Variants in CCDC91 observed in about 807,000 individuals in gnomAD.
CCDC91 encodes the protein coiled-coil domain containing 91.
Under a neutral mutation model 63.2 loss-of-function variants are expected in CCDC91, and 48 were observed. That is an observed-to-expected ratio of 0.76 (90% CI 0.60 to 0.97). The LOEUF (loss-of-function observed/expected upper bound fraction) is 0.97. CCDC91 is among the 50% of genes least tolerant of loss of function. The pLI is 0.00. For missense variants in CCDC91, 500 were observed against 494.6 expected, an observed-to-expected ratio of 1.01 and a Z score of -0.10; for synonymous variants, 167 against 165.8, an observed-to-expected ratio of 1.01 and a Z score of -0.06.
intron 12 of CCDC91, among the ~76,000 whole-genome samples, chr12:28,492,227 T>A (rs1486277579): frequency 2.0e-5 from 3 of 151,746 alleles, no homozygotes; most frequent in African/African-American, 7.2e-5. Context: ...TTTTTTTTCA[T>A]TCTATAAAGA....
intron 1 of CCDC91, among the ~76,000 whole-genome samples, chr12:28,216,777 G>A (rs3847681): frequency 0.99 from 150,805 of 152,158 alleles, 74,744 homozygotes; most frequent in Middle Eastern, 1. Flanking sequence ...AGAGAAAATC[G>A]TTGTGAGGGA....
intron 8 of CCDC91, among the ~76,000 whole-genome samples, chr12:28,405,439 G>GA (rs1946877251): frequency 6.6e-6 from 1 of 152,112 alleles, no homozygotes; most frequent in Non-Finnish European, 1.5e-5. Context: ...TTAAGAAAAA[G>GA]AAAAAGTTTT....
At chr12:28,418,591 A>G (rs2139860761) in intron 8 of CCDC91, among the ~76,000 whole-genome samples, 1 of 152,236 alleles carries the variant, frequency 6.6e-6, no homozygotes, top group East Asian at 1.9e-4. Flanking sequence ...CTTTAGAAAA[A>G]GCTGAATAGT....
rs116124767 is a variant in CCDC91 at position 28,192,278 on chromosome 12, T to A, written c.-15+1637T>A. ...GTGTAATAGGCATTTTATGTTGTAC[T>A]CTTATCTATATGTGTCAGATGTATG... On this transcript the variant is annotated intron_variant, in intron 1 of 12. Transcript: ENST00000536442. Among the ~76,000 whole-genome samples, 809 of 152,346 alleles carry A rather than the reference T, an allele frequency of 5.3e-3. 11 individuals are homozygous for A. The highest frequency in any genetic ancestry group is 0.017 in the African/African-American group (697 of 41,572).
chr12:28,270,273 A>T (rs1169168894), intron 3 of CCDC91, among the ~76,000 whole-genome samples: 2 of 152,104 alleles, frequency 1.3e-5, no homozygotes, highest in Admixed American at 6.6e-5. Context: ...TTAGAGATAT[A>T]CTTTAGAACT....
chr12:28,396,350 A>G (rs1436947362), intron 8 of CCDC91, among the ~76,000 whole-genome samples: 3 of 152,210 alleles, frequency 2.0e-5, no homozygotes, highest in Non-Finnish European at 4.4e-5. Context: ...GTCTGAAAGA[A>G]CATTGGGTGC....
intron 12 of CCDC91, among the ~76,000 whole-genome samples, chr12:28,508,312 C>A (rs1446994351): frequency 6.6e-6 from 1 of 151,834 alleles, no homozygotes; most frequent in African/African-American, 2.4e-5. Context: ...CCAACTGATT[C>A]TCATCTCCCT....
intron 12 of CCDC91, among the ~76,000 whole-genome samples, chr12:28,489,376 C>T (rs957370325): frequency 6.6e-6 from 1 of 151,724 alleles, no homozygotes; most frequent in African/African-American, 2.4e-5. Flanking sequence ...TGACACTTCC[C>T]TAGGGAGGAA....
chr12:28,213,062 C>A (rs910711775), intron 1 of CCDC91, among the ~76,000 whole-genome samples: 1 of 152,130 alleles, frequency 6.6e-6, no homozygotes, highest in Admixed American at 6.5e-5. Context: ...AAGCTGGGGA[C>A]TTTGAATCCC....
chr12:28,513,377 A>C (rs1939585398), intron 12 of CCDC91, among the ~76,000 whole-genome samples: 1 of 151,844 alleles, frequency 6.6e-6, no homozygotes, highest in African/African-American at 2.4e-5. Context: ...ATTGTATACA[A>C]GTTGAGAATC....
At chr12:28,311,838 C>T (rs1939359013) in intron 6 of CCDC91, among the ~76,000 whole-genome samples, 1 of 151,728 alleles carries the variant, frequency 6.6e-6, no homozygotes, top group African/African-American at 2.4e-5. Context: ...TTTATTGGGG[C>T]TTTTGTGCCT....
At chr12:28,401,831 G>C (rs1271720576) in intron 8 of CCDC91, among the ~76,000 whole-genome samples, 1 of 152,070 alleles carries the variant, frequency 6.6e-6, no homozygotes, top group African/African-American at 2.4e-5. Flanking sequence ...ATTTTTTCTT[G>C]TATCAAAAGA....
chr12:28,208,897 T>G (rs1444813597), intron 1 of CCDC91, among the ~76,000 whole-genome samples: 2 of 152,080 alleles, frequency 1.3e-5, no homozygotes, highest in African/African-American at 2.4e-5. Context: ...GCCTCCCGGG[T>G]TCACGCCATT....
At chr12:28,289,416 T>A (rs188903554) in intron 3 of CCDC91, among the ~76,000 whole-genome samples, 146 of 152,278 alleles carry the variant, frequency 9.6e-4, no homozygotes, top group African/African-American at 3.4e-3. Context: ...ACTTCTTGAT[T>A]TCTGCCTTCT....
intron 1 of CCDC91, among the ~76,000 whole-genome samples, chr12:28,237,088 TTTTG>T (rs536770110): frequency 2.0e-5 from 3 of 152,066 alleles, no homozygotes; most frequent in Non-Finnish European, 4.4e-5. Context: ...ATCACTAAAA[TTTTG>T]TTTGTGTATC....
chr12:28,292,286 A>G (rs1462458657), intron 3 of CCDC91, among the ~76,000 whole-genome samples: 2 of 152,252 alleles, frequency 1.3e-5, no homozygotes, highest in Admixed American at 1.3e-4. Flanking sequence ...TACTTTAGCA[A>G]CAACCTAATA....
intron 11 of CCDC91, among the ~76,000 whole-genome samples, chr12:28,454,526 C>T (rs977889580): frequency 6.6e-6 from 1 of 152,126 alleles, no homozygotes; most frequent in African/African-American, 2.4e-5. Context: ...GGAGAGGCTG[C>T]AGTCTGAGGT....
intron 5 of CCDC91, 65 bp downstream of exon 5, chr12:28,307,010 ACT>A (rs1396098932): frequency 4.6e-6 from 5 of 1,097,138 alleles, no homozygotes; most frequent in East Asian, 2.5e-5. Context: ...ATAATCTCAA[ACT>A]CTGATTAAAA....
chr12:28,418,315 G>T (rs1373061436), intron 8 of CCDC91, among the ~76,000 whole-genome samples: 1 of 152,028 alleles, frequency 6.6e-6, no homozygotes, highest in Non-Finnish European at 1.5e-5. Flanking sequence ...GACAACAATT[G>T]CTAAAGCTAG....
Sources: allele counts gnomAD v4.1 joint callset (sites outside exome capture counted in the v4.1 genomes callset), GRCh38; gene constraint gnomAD v4.1.1; transcripts MANE v1.5; gene names NCBI Gene and HGNC (gene_info 2026-07-23, HGNC 2026-07-21).